LIMCH1: variants seen among roughly 807,000 people sequenced by gnomAD.
LIMCH1 encodes the protein LIM and calponin homology domains-containing protein 1.
A neutral mutation model predicts 176.5 loss-of-function variants in LIMCH1; 113 were observed. The observed-to-expected ratio is 0.64, with a 90% confidence interval of 0.55 to 0.75. LIMCH1 has a LOEUF of 0.75. LIMCH1 is among the 30% of genes least tolerant of loss of function. The pLI is 0.00. For missense variants in LIMCH1, 1,674 were observed against 1,814.9 expected (o/e 0.92, Z 1.41); for synonymous variants, 619 against 645.9 (o/e 0.96, Z 0.63).
rs573320442 is a variant in LIMCH1 at position 41,676,489 on chromosome 4, G to A, written c.3519+27G>A. ...TAGGATGGAGTTTGCTGCTTTTTTT[G>A]TTTTTCCTTTTTTGTCCTCTTGCTT... On this transcript the variant is annotated intron_variant, in intron 23 of 31. Coordinates refer to ENST00000503057, the MANE Select transcript of LIMCH1 (RefSeq NM_001330672.2). 5.2e-4 allele frequency: 825 copies of A among 1,575,754 alleles called. 12 individuals are homozygous for A. The South Asian group carries it at 8.8e-3, about 17-fold the overall frequency.
chr4:41,670,028 A>C (rs2094959401), intron 21 of LIMCH1, among the ~76,000 whole-genome samples: 1 of 152,230 alleles, frequency 6.6e-6, no homozygotes. Context: ...CCAGGCATTC[A>C]GTTTTTAAAT....
At chr4:41,579,404 C>A (rs947050266) in intron 1 of LIMCH1, among the ~76,000 whole-genome samples, 1 of 152,192 alleles carries the variant, frequency 6.6e-6, no homozygotes, top group African/African-American at 2.4e-5. Context: ...TTTTAACTCA[C>A]AATAGCTTGT....
Position 41,391,471 on chromosome 4 carries a change from A to G in LIMCH1, c.96+30535A>G, listed in dbSNP as rs567388005. ...AAAATTACTGAATGTGGGCTGATAT[A>G]GTGACTCATTTTTAACAGACAGACT... On this transcript the variant is annotated intron_variant, in intron 1 of 26. Coordinates refer to the LIMCH1 transcript ENST00000313860. Among the ~76,000 whole-genome samples the G allele has an allele frequency of 1.4e-4, 21 of 152,324 alleles. No individual in the cohort carries two copies. The South Asian group carries it at 3.3e-3, about 24-fold the overall frequency.
intron 1 of LIMCH1, among the ~76,000 whole-genome samples, chr4:41,584,876 A>T (rs986669844): frequency 6.6e-6 from 1 of 152,178 alleles, no homozygotes; most frequent in Non-Finnish European, 1.5e-5. Context: ...TATTTCTCAC[A>T]GTTCTGGAGG....
chr4:41,679,934 G>T, intron 23 of LIMCH1, 72 bp from the exon 24 acceptor site: 2 of 948,778 alleles, frequency 2.1e-6, no homozygotes, highest in Non-Finnish European at 3.3e-6. Context: ...GTACATGGTG[G>T]TTTAGGGGGG....
chr4:41,467,440 C>T (rs928896940), intron 1 of LIMCH1, among the ~76,000 whole-genome samples: 3 of 152,106 alleles, frequency 2.0e-5, no homozygotes, highest in Non-Finnish European at 4.4e-5. Context: ...TGGGAGGCCT[C>T]ACAATCATGG....
chr4:41,517,666 G>A lies in LIMCH1; in HGVS notation c.168-6743G>A, dbSNP rs140198382. 4.5e-3 allele frequency among the ~76,000 whole-genome samples: 678 copies of A among 152,112 alleles called. 3 individuals are homozygous for A. Among genetic ancestry groups the A allele is most frequent in the Middle Eastern group, 0.014 (4 of 294 alleles). The stretch of plus-strand genomic sequence containing the variant: ...ACATTTCACTTTTCCCTATATTTTA[G>A]TCGATTTTTCTTGATCTCAGAGGAT... On this transcript the variant is annotated intron_variant, in intron 2 of 26. Coordinates refer to the LIMCH1 transcript ENST00000313860.
In LIMCH1 at chr4:41,599,218, ACAT is replaced by A. The variant is rs375145095; in HGVS notation, c.-134+196_-134+198del. The A allele has an allele frequency of 1.3e-3, 566 of 424,382 alleles. 3 individuals carry two copies. Among genetic ancestry groups the A allele is most frequent in the African/African-American group, 1.5e-3 (76 of 49,660 alleles). The allele number at this position is 424,382 out of a possible 1,614,324, so 26.3% of individuals were successfully genotyped here. Reference sequence around the variant, plus strand: ...TGTGCATAGCTTTCATTCTGATCAAACATCATTTTTTGAATGCAAAATTCTTGC... The same window carrying A: ...TGTGCATAGCTTTCATTCTGATCAAACATTTTTTGAATGCAAAATTCTTGC... On this transcript the variant is annotated intron_variant, in intron 2 of 31. Coordinates refer to ENST00000503057, the MANE Select transcript of LIMCH1 (RefSeq NM_001330672.2).
intron 1 of LIMCH1, among the ~76,000 whole-genome samples, chr4:41,447,688 ATGTC>A (rs1478391596): frequency 6.6e-6 from 1 of 152,202 alleles, no homozygotes. Flanking sequence ...ATCGAGACAA[ATGTC>A]TGTCTGTCTT....
intron 31 of LIMCH1, among the ~76,000 whole-genome samples, chr4:41,694,787 G>T (rs114610301): frequency 6.6e-6 from 1 of 152,022 alleles, no homozygotes; most frequent in Non-Finnish European, 1.5e-5. Flanking sequence ...GACGTAAAAG[G>T]CATGTGCTTT....
chr4:41,543,022 G>A (rs1322775825), intron 1 of LIMCH1, among the ~76,000 whole-genome samples: 2 of 152,200 alleles, frequency 1.3e-5, no homozygotes, highest in African/African-American at 2.4e-5. Context: ...GTTTTCATCA[G>A]CATGTTTTTT....
At chr4:41,441,083 AC>A (rs1418624811) in intron 1 of LIMCH1, among the ~76,000 whole-genome samples, 32 of 152,102 alleles carry the variant, frequency 2.1e-4, no homozygotes, top group South Asian at 2.1e-4. Context: ...AATGACATGA[AC>A]CCCTCTTCCC....
chr4:41,470,682 A>G (rs1472799358), intron 1 of LIMCH1, among the ~76,000 whole-genome samples: 4 of 152,058 alleles, frequency 2.6e-5, no homozygotes, highest in African/African-American at 9.7e-5. Context: ...CCCCTTAACA[A>G]TTTGGACTAT....
intron 5 of LIMCH1, among the ~76,000 whole-genome samples, chr4:41,618,062 C>T (rs2092278277): frequency 6.6e-6 from 1 of 152,204 alleles, no homozygotes; most frequent in African/African-American, 2.4e-5. Flanking sequence ...GGAAGTGGCT[C>T]TGACTTAACA....
intron 13 of LIMCH1, 105 bp from the exon 14 acceptor site, chr4:41,638,827 A>G: frequency 1.1e-6 from 1 of 873,630 alleles, no homozygotes; most frequent in Admixed American, 1.8e-5. Flanking sequence ...CTCAGCAAAA[A>G]AGGTTTGGCG....
At chr4:41,692,470 C>T (rs912815765) in intron 31 of LIMCH1, 86 bp downstream of exon 31, 9 of 838,024 alleles carry the variant, frequency 1.1e-5, no homozygotes, top group African/African-American at 1.7e-5. Flanking sequence ...AAATATTTTT[C>T]CCCAGCCGTT....
At chr4:41,659,373 GATTTCAAA>G (rs1400916899) in intron 18 of LIMCH1, among the ~76,000 whole-genome samples, 2 of 152,120 alleles carry the variant, frequency 1.3e-5, no homozygotes, top group African/African-American at 4.8e-5. Flanking sequence ...TAATTATGAG[GATTTCAAA>G]ACTACTCCAT....
chr4:41,593,238 T>A (rs1454242507), intron 1 of LIMCH1, among the ~76,000 whole-genome samples: 1 of 152,212 alleles, frequency 6.6e-6, no homozygotes, highest in Non-Finnish European at 1.5e-5. Flanking sequence ...GAGAAACCAC[T>A]GGCCCATGAA....
chr4:41,551,853 A>G (rs955335368), intron 1 of LIMCH1, among the ~76,000 whole-genome samples: 36 of 152,200 alleles, frequency 2.4e-4, no homozygotes, highest in African/African-American at 8.7e-4. Flanking sequence ...AATGTGTACT[A>G]TTTGGCCCTT....
Sources: gnomAD v4.1 joint callset for allele counts (sites outside exome capture counted in the v4.1 genomes callset) on GRCh38, gnomAD v4.1.1 for gene constraint, MANE v1.5 for transcripts, NCBI Gene and HGNC (gene_info 2026-07-23, HGNC 2026-07-21) for gene names.